The following ASAP2 variants were observed in gnomAD, a reference collection of about 807,000 sequenced individuals.
ASAP2 encodes the protein arf-GAP with SH3 domain, ANK repeat and PH domain-containing protein 2.
Under a neutral mutation model 131.4 loss-of-function variants are expected in ASAP2, and 45 were observed. The observed-to-expected ratio is 0.34, with a 90% CI of 0.27 to 0.44. ASAP2 has a LOEUF of 0.44. Ranked by LOEUF, ASAP2 falls within the 20% of genes least tolerant of loss-of-function variation. ASAP2 has a pLI of 1.00. For synonymous variants in ASAP2, 510 were observed against 503.0 expected (o/e 1.01, Z -0.19); for missense variants, 1,011 against 1,297.0 (o/e 0.78, Z 3.39).
At chr2:9,250,240 A>G (rs1312343016) in intron 1 of ASAP2, among the ~76,000 whole-genome samples, 1 of 152,212 alleles carries the variant, frequency 6.6e-6, no homozygotes, top group Non-Finnish European at 1.5e-5. Context: ...AAAACTCCAC[A>G]AACTGTAAGG....
chr2:9,212,760 C>A (rs1005126552), intron 1 of ASAP2, among the ~76,000 whole-genome samples: 3 of 152,100 alleles, frequency 2.0e-5, no homozygotes, highest in African/African-American at 4.8e-5. Context: ...CTGGTGGCTA[C>A]CATATTGGCT....
chr2:9,390,175 T>C (rs1198809240), intron 22 of ASAP2, among the ~76,000 whole-genome samples: 1 of 152,246 alleles, frequency 6.6e-6, no homozygotes. Context: ...CTTCCAGTAA[T>C]GTAGGTCATA....
intron 9 of ASAP2, 27 bp downstream of exon 9, chr2:9,335,206 G>A: frequency 6.2e-7 from 1 of 1,603,758 alleles, no homozygotes; most frequent in South Asian, 1.1e-5. Flanking sequence ...TTGAAAGATT[G>A]CAGTTTTCAC....
chr2:9,364,805 T>G (rs192142492), intron 15 of ASAP2, among the ~76,000 whole-genome samples: 51 of 152,286 alleles, frequency 3.3e-4, no homozygotes, highest in Admixed American at 2.5e-3. Flanking sequence ...TGACTATCAG[T>G]GGTCATTTAC....
At chr2:9,380,830 C>T (rs12467000) in intron 20 of ASAP2, 22 bp downstream of exon 20, 158,119 of 1,610,362 alleles carry the variant, frequency 0.098, 8,294 homozygotes, top group Non-Finnish European at 0.11. Context: ...ACCACAAGGA[C>T]GGGGTGGGGC....
intron 1 of ASAP2, among the ~76,000 whole-genome samples, chr2:9,258,426 T>G (rs1375939520): frequency 6.6e-6 from 1 of 151,838 alleles, no homozygotes; most frequent in Non-Finnish European, 1.5e-5. Flanking sequence ...TTGTAAGATT[T>G]CCTTCTTGGA....
intron 17 of ASAP2, 42 bp from the exon 18 acceptor site, chr2:9,376,866 G>T: frequency 6.5e-7 from 1 of 1,543,232 alleles, no homozygotes; most frequent in Non-Finnish European, 9.0e-7. Flanking sequence ...AGAATTGAAT[G>T]CTCCCATTAG....
At chr2:9,252,740 C>G (rs2148143491) in intron 1 of ASAP2, among the ~76,000 whole-genome samples, 1 of 151,962 alleles carries the variant, frequency 6.6e-6, no homozygotes, top group African/African-American at 2.4e-5. Flanking sequence ...ACGGTGAAAC[C>G]CTGTCTCTAC....
chr2:9,219,021 G>A (rs1380362756), intron 1 of ASAP2, among the ~76,000 whole-genome samples: 1 of 152,174 alleles, frequency 6.6e-6, no homozygotes, highest in East Asian at 1.9e-4. Flanking sequence ...TTTGCCATCT[G>A]TCTTGCCTCA....
At chr2:9,286,447 A>AAAAAAATATATATAT (rs58605449) in intron 2 of ASAP2, among the ~76,000 whole-genome samples, 5 of 148,418 alleles carry the variant, frequency 3.4e-5, no homozygotes, top group African/African-American at 1.0e-4. Context: ...GAAAAAAAAA[A>AAAAAAATATATATAT]ATATATATAT....
At position 9,360,833 on chromosome 2, in the gene ASAP2, G is replaced by A. The variant is rs142609985; in HGVS notation, c.1461+1944G>A. On this transcript the variant is annotated intron_variant, in intron 15 of 27. Transcript: ENST00000281419. ...AGTTTATATAGCATAATTTTTAATA[G>A]TAGCAGTGCTTAACAGTTGGCTTGC... 1.7e-3 allele frequency among the ~76,000 whole-genome samples: 266 copies of A among 152,024 alleles called. 1 individual carries two copies. The highest frequency in any genetic ancestry group is 6.2e-3 in the African/African-American group (259 of 41,502).
At chr2:9,349,303 T>C (rs1672179560) in intron 11 of ASAP2, among the ~76,000 whole-genome samples, 1 of 152,138 alleles carries the variant, frequency 6.6e-6, no homozygotes, top group Non-Finnish European at 1.5e-5. Flanking sequence ...AGCCCTAAAA[T>C]TTGCACGTGT....
intron 27 of ASAP2, among the ~76,000 whole-genome samples, 180 bp downstream of exon 27, chr2:9,401,576 G>A (rs1315232060): frequency 6.6e-6 from 1 of 152,188 alleles, no homozygotes; most frequent in Non-Finnish European, 1.5e-5. Context: ...CCCCTTCTGA[G>A]CAGGCCTGAT....
chr2:9,218,784 C>T (rs1662225895), intron 1 of ASAP2, among the ~76,000 whole-genome samples: 1 of 152,208 alleles, frequency 6.6e-6, no homozygotes, highest in Admixed American at 6.5e-5. Context: ...CCTCTTGCCA[C>T]CCTTGCTTTT....
intron 9 of ASAP2, among the ~76,000 whole-genome samples, chr2:9,335,579 C>T (rs777540262): frequency 2.9e-4 from 44 of 152,196 alleles, no homozygotes; most frequent in Non-Finnish European, 5.4e-4. Context: ...AGGGGACCAG[C>T]TGGGGCTCTG....
intron 14 of ASAP2, among the ~76,000 whole-genome samples, chr2:9,357,278 A>C (rs1672776817): frequency 6.6e-6 from 1 of 152,144 alleles, no homozygotes; most frequent in East Asian, 1.9e-4. Context: ...CAGGAGTTCA[A>C]GACCAGCCTG....
chr2:9,266,513 T>A (rs1665960709), intron 1 of ASAP2, among the ~76,000 whole-genome samples: 1 of 152,110 alleles, frequency 6.6e-6, no homozygotes, highest in Admixed American at 6.5e-5. Flanking sequence ...GTGCGGGTGG[T>A]GGGCGTCTGC....
At position 9,207,221 on chromosome 2, in the gene ASAP2, C is replaced by T. The variant is rs746693166; in HGVS notation, c.117C>T (p.Ala39=). Residue 39 remains alanine (A), a synonymous_variant, in exon 1 of 28, where the codon GCC becomes GCT. Coordinates refer to ENST00000281419, the MANE Select transcript of ASAP2 (RefSeq NM_003887.3). The surrounding 1 kb of genome is among the most constrained non-coding windows in gnomAD (Gnocchi z 4.1). Reference sequence around the variant, plus strand: ...CGCAGTGCCGGAACACTGTGGCGGCCATCGAGGAGGTGAGGCGGCCTGCGC... The same window carrying T: ...CGCAGTGCCGGAACACTGTGGCGGCTATCGAGGAGGTGAGGCGGCCTGCGC... ...RTAQCRNTVA[A]IEEALDVDRM... 1.0e-5 allele frequency: 16 copies of T among 1,591,360 alleles called. 1 individual carries two copies. The South Asian group carries it at 1.8e-4, about 18-fold the overall frequency.
chr2:9,359,159 A>G (rs539925346), intron 15 of ASAP2, among the ~76,000 whole-genome samples: 1 of 152,214 alleles, frequency 6.6e-6, no homozygotes, highest in Admixed American at 6.5e-5. Flanking sequence ...ACAGAAATGG[A>G]GTAAGATGGT....
Sources: allele counts gnomAD v4.1 joint callset (sites outside exome capture counted in the v4.1 genomes callset), GRCh38; gene constraint gnomAD v4.1.1; non-coding constraint Gnocchi (gnomAD v3.1); transcripts MANE v1.5; gene names NCBI Gene and HGNC (gene_info 2026-07-23, HGNC 2026-07-21).